Variants in PTPRZ1 observed in about 807,000 individuals in gnomAD.
The protein encoded by PTPRZ1 is receptor-type tyrosine-protein phosphatase zeta.
In PTPRZ1, 82 loss-of-function variants were observed where a neutral mutation model predicts 214.1. The observed-to-expected ratio is 0.38, with a 90% CI of 0.32 to 0.46. PTPRZ1 has a LOEUF of 0.46. Among genes scored for constraint, PTPRZ1 ranks in the 20% least tolerant of loss-of-function variants. The pLI is 1.00. For synonymous variants in PTPRZ1, 945 were observed against 987.9 expected (o/e 0.96, Z 0.81); for missense variants, 2,603 against 2,748.7 (o/e 0.95, Z 1.19).
intron 23 of PTPRZ1, among the ~76,000 whole-genome samples, chr7:122,046,661 A>T (rs1258726758): frequency 1.3e-5 from 2 of 152,168 alleles, no homozygotes; most frequent in Non-Finnish European, 2.9e-5. Flanking sequence ...GATGTCATTC[A>T]CCATGATCGA....
intron 8 of PTPRZ1, among the ~76,000 whole-genome samples, chr7:121,986,324 C>T (rs1400352696): frequency 6.6e-6 from 1 of 152,158 alleles, no homozygotes; most frequent in Admixed American, 6.5e-5. Flanking sequence ...TATTTGAACC[C>T]AAGTCTCCCT....
chr7:121,916,323 A>G (rs1359721276), intron 1 of PTPRZ1, among the ~76,000 whole-genome samples: 2 of 151,912 alleles, frequency 1.3e-5, no homozygotes, highest in East Asian at 3.9e-4. Flanking sequence ...CCATTATCAC[A>G]TTAGACAGTG....
intron 2 of PTPRZ1, among the ~76,000 whole-genome samples, chr7:121,948,349 C>T (rs1563032043): frequency 2.0e-5 from 3 of 152,162 alleles, no homozygotes; most frequent in Admixed American, 2.0e-4. Flanking sequence ...AACATGGTGG[C>T]TCATGCCTGT....
At chr7:121,991,023 T>G (rs1196498) in intron 8 of PTPRZ1, among the ~76,000 whole-genome samples, 1 of 152,150 alleles carries the variant, frequency 6.6e-6, no homozygotes, top group Non-Finnish European at 1.5e-5. Flanking sequence ...GGGGGGAAAA[T>G]CAGACCTTAA....
In PTPRZ1 at chr7:121,912,787, G is replaced by A. The variant is rs577031781; in HGVS notation, c.59-15369G>A. The stretch of plus-strand genomic sequence containing the variant: ...AACTTAGTTAAAAGGTGAAGAGGAG[G>A]GAACTTGCAAAATTTCCCGTTTTCT... On this transcript the variant is annotated intron_variant, in intron 1 of 29. Transcript: ENST00000393386. 2.6e-5 allele frequency among the ~76,000 whole-genome samples: 4 copies of A among 151,994 alleles called. No homozygotes were observed. The South Asian group carries it at 6.3e-4, about 24-fold the overall frequency.
chr7:122,011,822 CCTT>C lies in PTPRZ1; in HGVS notation c.2780_2782del (p.Ser927del), dbSNP rs774049159. 1.5e-5 allele frequency: 24 copies of C among 1,613,896 alleles called. No individual in the cohort carries two copies. Among genetic ancestry groups the C allele is most frequent in the Middle Eastern group, 1.6e-4 (1 of 6,084 alleles). ...GCATGCACGTTCTTCAGGGCCTGAACCTTCTTATGCCTTGTCTGATAATGAGGG... is the reference window on the plus strand; with the variant it reads ...GCATGCACGTTCTTCAGGGCCTGAACCTTATGCCTTGTCTGATAATGAGGG... On this transcript the variant is annotated inframe_deletion, in exon 12 of 30. Coordinates refer to ENST00000393386, the MANE Select transcript of PTPRZ1 (RefSeq NM_002851.3).
At chr7:121,986,869 T>C (rs1329955065) in intron 8 of PTPRZ1, among the ~76,000 whole-genome samples, 2 of 152,188 alleles carry the variant, frequency 1.3e-5, no homozygotes, top group Non-Finnish European at 2.9e-5. Context: ...GTTGTCTACT[T>C]ATCCTATATG....
intron 1 of PTPRZ1, among the ~76,000 whole-genome samples, chr7:121,909,194 T>C (rs1274534694): frequency 6.6e-6 from 1 of 152,158 alleles, no homozygotes; most frequent in Non-Finnish European, 1.5e-5. Flanking sequence ...ACTTTTATCT[T>C]GTGACTCTTT....
intron 1 of PTPRZ1, among the ~76,000 whole-genome samples, chr7:121,887,756 C>G (rs1794444372): frequency 6.6e-6 from 1 of 152,010 alleles, no homozygotes; most frequent in African/African-American, 2.4e-5. Context: ...ACTTTTTGGC[C>G]TGCACAGCGG....
At chr7:121,955,367 A>T (rs1161167877) in intron 2 of PTPRZ1, among the ~76,000 whole-genome samples, 3 of 152,346 alleles carry the variant, frequency 2.0e-5, no homozygotes, top group Non-Finnish European at 2.9e-5. Flanking sequence ...GGCAACTTTC[A>T]GAGCTATTCT....
chr7:122,023,604 T>C (rs1313697412), intron 13 of PTPRZ1, among the ~76,000 whole-genome samples: 6 of 132,582 alleles, frequency 4.5e-5, no homozygotes, highest in African/African-American at 1.4e-4. Flanking sequence ...TATGTATAAT[T>C]TTATATATAA....
At chr7:122,058,964 G>A (rs1048747640) in intron 28 of PTPRZ1, 22 bp downstream of exon 28, 9 of 1,547,518 alleles carry the variant, frequency 5.8e-6, no homozygotes, top group Non-Finnish European at 8.0e-6. Flanking sequence ...GTGTTAGATG[G>A]TTTCACACCT....
Position 122,012,099 on chromosome 7 carries a change from T to C in PTPRZ1, c.3053T>C (p.Ile1018Thr), listed in dbSNP as rs1315671491. The change falls in exon 12 of 30, where the codon ATT (isoleucine) becomes ACT (threonine). Residue 1018 changes from isoleucine to threonine, a missense_variant. By Grantham distance (89) the Ile-to-Thr change is moderately conservative (BLOSUM62 -1). Transcript: ENST00000393386. ...PDTDGLTALN[I>T]SSPVSVAEFT... ...ACAGATGGGCTGACAGCCCTTAACA[T>C]TTCTTCACCTGTTTCTGTAGCTGAA... 6.2e-7 allele frequency: 1 copy of C among 1,614,068 alleles called. No homozygotes were observed. Among genetic ancestry groups the C allele is most frequent in the African/African-American group, 1.3e-5 (1 of 75,058 alleles).
intron 1 of PTPRZ1, among the ~76,000 whole-genome samples, chr7:121,889,629 C>T (rs781314860): frequency 6.6e-6 from 1 of 152,232 alleles, no homozygotes; most frequent in Non-Finnish European, 1.5e-5. Context: ...TTGACTTCTT[C>T]CACATTTCTC....
At chr7:122,030,283 T>C (rs1398254496) in intron 14 of PTPRZ1, among the ~76,000 whole-genome samples, 1 of 152,002 alleles carries the variant, frequency 6.6e-6, no homozygotes, top group Admixed American at 6.6e-5. Flanking sequence ...TCTCACTTAC[T>C]TGCAGACCAA....
At chr7:122,047,661 T>TC (rs1273418574) in intron 23 of PTPRZ1, among the ~76,000 whole-genome samples, 1 of 110,146 alleles carries the variant, frequency 9.1e-6, no homozygotes, top group African/African-American at 4.7e-5. Flanking sequence ...TTTTTTTTTT[T>TC]TCTCTGAGAC....
At chr7:121,947,348 A>C (rs986164690) in intron 2 of PTPRZ1, among the ~76,000 whole-genome samples, 4 of 152,260 alleles carry the variant, frequency 2.6e-5, no homozygotes, top group Non-Finnish European at 2.9e-5. Context: ...GAAGCCTTTT[A>C]ATATTTAACT....
At chr7:121,965,392 G>A (rs1563040849) in intron 2 of PTPRZ1, among the ~76,000 whole-genome samples, 1 of 151,996 alleles carries the variant, frequency 6.6e-6, no homozygotes. Context: ...CACTGGTTGG[G>A]TGTTTTTTGT....
In PTPRZ1 at chr7:122,042,613, G is replaced by T. The variant is rs200527615; in HGVS notation, c.5807G>T (p.Gly1936Val). Residue 1936 changes from glycine (G) to valine (V), a missense_variant, in exon 22 of 30, where the codon GGA becomes GTA. Physicochemically the swap from Gly to Val is moderately radical, Grantham distance 109. Coordinates refer to ENST00000393386, the MANE Select transcript of PTPRZ1 (RefSeq NM_002851.3). ...VGPVVVHCSA[G>V]VGRTGTYIVL... ...TTTCTTGGTCTTCTCTTCAGTGCTG[G>T]AGTTGGAAGAACAGGCACATATATT... The T allele has an allele frequency of 6.3e-7, 1 of 1,594,092 alleles. No individual in the cohort carries two copies.
Sources: allele counts gnomAD v4.1 joint callset (sites outside exome capture counted in the v4.1 genomes callset), GRCh38; gene constraint gnomAD v4.1.1; transcripts MANE v1.5; gene names NCBI Gene and HGNC (gene_info 2026-07-23, HGNC 2026-07-21).